Variants in TJP2 observed in about 807,000 individuals in gnomAD.
TJP2 encodes tight junction protein 2, also known as Friedreich ataxia region gene X104 (tight junction protein ZO-2).
TJP2 carries 91 observed loss-of-function variants against 133.1 expected under a neutral mutation model. The ratio of observed to expected loss-of-function variants is 0.68; its 90% CI spans 0.58 to 0.81. TJP2 has a LOEUF of 0.81. Ranked by LOEUF, TJP2 falls within the 40% of genes least tolerant of loss-of-function variation. TJP2 has a pLI of 0.00. For missense variants in TJP2, 1,541 were observed against 1,565.6 expected, an observed-to-expected ratio of 0.98 and a Z score of 0.26; for synonymous variants, 592 against 583.4, an observed-to-expected ratio of 1.01 and a Z score of -0.21.
rs796094463 is a variant in TJP2 at position 69,122,065 on chromosome 9, A to G, written c.-131+340A>G. On this transcript the variant is annotated intron_variant, in intron 1 of 5. Transcript: ENST00000423935. ...ACAGGGTCTCTCTGGGGGAATCATC[A>G]ACAGGTGTGCCTGAACACGCACCTG... is the stretch of plus-strand genomic sequence containing the variant. 3.9e-5 allele frequency: 6 copies of G among 152,330 alleles called. No homozygotes were observed. The East Asian group carries it at 1.2e-3, about 29-fold the overall frequency. The allele number at this position is 152,330 out of a possible 1,614,324, so 9.4% of individuals were successfully genotyped here. A position where few individuals can be genotyped will look rare whatever the true frequency, so the allele number is the denominator to read the frequency against.
chr9:69,236,185 G>A lies in TJP2; in HGVS notation c.1938G>A (p.Leu646=). The A allele has an allele frequency of 6.2e-7, 1 of 1,614,156 alleles. No individual in the cohort carries two copies. The highest frequency in any genetic ancestry group is 8.5e-7 in the Non-Finnish European group (1 of 1,180,032). ...ATGACGGCAAGCTGGGCAACTGGCT[G>A]GCTGTGAGGATTGGGAACGAGTTGG... The part of the protein sequence containing the change: ...TLYDGKLGNW[L]AVRIGNELEK... The change falls in exon 13 of 23, where the codon CTG becomes CTA. Residue 646 remains leucine, a synonymous_variant. Transcript: ENST00000377245.
intron 2 of TJP2, among the ~76,000 whole-genome samples, chr9:69,168,458 C>T (rs1256808626): frequency 1.3e-5 from 2 of 151,866 alleles, no homozygotes; most frequent in African/African-American, 2.4e-5. Context: ...ATTACCCCCA[C>T]CCTCAAAAAA....
chr9:69,239,840 G>T, intron 16 of TJP2, 97 bp from the exon 17 acceptor site: 1 of 1,009,860 alleles, frequency 9.9e-7, no homozygotes, highest in Non-Finnish European at 1.5e-6. Flanking sequence ...AAACAAACAA[G>T]ATATATCTCA....
chr9:69,246,960 CT>C (rs1452801868), intron 18 of TJP2, among the ~76,000 whole-genome samples, 170 bp downstream of exon 18: 3 of 152,176 alleles, frequency 2.0e-5, no homozygotes, highest in Non-Finnish European at 4.4e-5. Flanking sequence ...AATGAAGGGA[CT>C]TTTAAAAGAA....
At chr9:69,210,181 C>T (rs1461759597) in intron 1 of TJP2, among the ~76,000 whole-genome samples, 2 of 150,042 alleles carry the variant, frequency 1.3e-5, no homozygotes, top group Non-Finnish European at 3.0e-5. Flanking sequence ...CCCAGCTACT[C>T]GGGAGGCTGA....
Position 69,221,501 on chromosome 9 carries a change from G to C in TJP2, c.952+5G>C. 10 of 1,602,238 alleles carry C rather than the reference G, an allele frequency of 6.2e-6. No homozygotes were observed. The highest frequency in any genetic ancestry group is 8.5e-6 in the Non-Finnish European group (10 of 1,174,140). On this transcript the variant is annotated splice_donor_5th_base_variant and intron_variant, in intron 5 of 22. Transcript: ENST00000377245. Reference sequence around the variant, plus strand: ...TGAAAAGCAGAGCGAACGAAGGTAGGCATGCTTGATGTGGGAAGAAAAGCA... The same window carrying C: ...TGAAAAGCAGAGCGAACGAAGGTAGCCATGCTTGATGTGGGAAGAAAAGCA...
intron 17 of TJP2, among the ~76,000 whole-genome samples, chr9:69,242,004 T>A (rs1164584318): frequency 6.6e-6 from 1 of 152,210 alleles, no homozygotes; most frequent in East Asian, 1.9e-4. Context: ...CTGAGTACAC[T>A]AAATAGCGAG....
intron 1 of TJP2, among the ~76,000 whole-genome samples, chr9:69,183,891 C>A (rs1825679868): frequency 6.6e-6 from 1 of 152,194 alleles, no homozygotes; most frequent in Admixed American, 6.5e-5. Flanking sequence ...TGCGCCACTA[C>A]ACCTAGCTAA....
chr9:69,189,024 A>G lies in TJP2; in HGVS notation c.60+14592A>G, dbSNP rs79649384. Among the ~76,000 whole-genome samples, 169 of 152,318 alleles carry G rather than the reference A, an allele frequency of 1.1e-3. 2 individuals are homozygous for G. The highest frequency in any genetic ancestry group is 4.0e-3 in the African/African-American group (167 of 41,558). ...TCAAAGTACATCCCCTAAAACATCA[A>G]ATACCTCCAAGAGGTTTTAGGCTAT... On this transcript the variant is annotated intron_variant, in intron 1 of 22. Transcript: ENST00000377245.
chr9:69,232,429 A>G (rs1472544755), intron 11 of TJP2, among the ~76,000 whole-genome samples: 2 of 152,200 alleles, frequency 1.3e-5, no homozygotes, highest in East Asian at 1.9e-4. Context: ...CAAAGAGGAT[A>G]TTTATTGGAA....
chr9:69,131,859 C>A (rs1000288246), intron 1 of TJP2, among the ~76,000 whole-genome samples: 1 of 152,168 alleles, frequency 6.6e-6, no homozygotes, highest in Non-Finnish European at 1.5e-5. Context: ...AGGGAGTGTC[C>A]TGGAATCCCC....
intron 1 of TJP2, among the ~76,000 whole-genome samples, chr9:69,130,699 G>C (rs1056193350): frequency 5.9e-5 from 9 of 152,162 alleles, no homozygotes; most frequent in African/African-American, 2.2e-4. Flanking sequence ...GTGGAAGTGG[G>C]TACCAGCCAA....
intron 1 of TJP2, among the ~76,000 whole-genome samples, chr9:69,208,269 T>C (rs1401932324): frequency 6.6e-6 from 1 of 152,226 alleles, no homozygotes; most frequent in Non-Finnish European, 1.5e-5. Flanking sequence ...GCATATATTC[T>C]TTGAATATTA....
At chr9:69,222,143 A>G (rs992833956) in intron 5 of TJP2, among the ~76,000 whole-genome samples, 9 of 149,836 alleles carry the variant, frequency 6.0e-5, no homozygotes, top group African/African-American at 2.2e-4. Context: ...AAGTGCTGGG[A>G]TTATAGGCAT....
intron 1 of TJP2, among the ~76,000 whole-genome samples, chr9:69,148,831 T>C (rs1476757447): frequency 1.3e-5 from 2 of 152,214 alleles, no homozygotes; most frequent in African/African-American, 4.8e-5. Flanking sequence ...CACATGTGTA[T>C]ATTTGCCCAT....
intron 2 of TJP2, among the ~76,000 whole-genome samples, chr9:69,167,266 A>G (rs1824409342): frequency 6.6e-6 from 1 of 152,118 alleles, no homozygotes; most frequent in South Asian, 2.1e-4. Flanking sequence ...ATAAATAAAA[A>G]TAATACTGTA....
At chr9:69,234,607 A>G (rs1251405031) in intron 12 of TJP2, 60 bp downstream of exon 12, 26 of 1,171,222 alleles carry the variant, frequency 2.2e-5, no homozygotes, top group South Asian at 1.8e-4. Flanking sequence ...GAAGGATGAG[A>G]GAGGTGTCTT....
At chr9:69,252,781 T>A (rs759328653) in intron 21 of TJP2, 34 bp from the exon 22 acceptor site, 6 of 1,603,272 alleles carry the variant, frequency 3.7e-6, no homozygotes, top group Non-Finnish European at 5.1e-6. Flanking sequence ...GTTCATTCTT[T>A]CACTCTTATT....
At chr9:69,237,509 T>TA (rs998394067) in intron 14 of TJP2, among the ~76,000 whole-genome samples, 13 of 152,068 alleles carry the variant, frequency 8.5e-5, no homozygotes, top group South Asian at 8.3e-4. Context: ...CTGCAAAAAA[T>TA]AAAAAAAGTT....
Sources: gnomAD v4.1 joint callset for allele counts (sites outside exome capture counted in the v4.1 genomes callset) on GRCh38, gnomAD v4.1.1 for gene constraint, MANE v1.5 for transcripts, NCBI Gene and HGNC (gene_info 2026-07-23, HGNC 2026-07-21) for gene names.